CACNA1E: variants seen among roughly 807,000 people sequenced by gnomAD.
CACNA1E encodes voltage-dependent R-type calcium channel subunit alpha-1E.
A neutral mutation model predicts 259.2 loss-of-function variants in CACNA1E; 40 were observed. The ratio of observed to expected loss-of-function variants is 0.15; its 90% confidence interval spans 0.12 to 0.20. The LOEUF is 0.20. Ranked by LOEUF, CACNA1E falls within the 10% of genes least tolerant of loss-of-function variation. The pLI, the probability that CACNA1E is intolerant of heterozygous loss-of-function variation, is 1.00. For synonymous variants in CACNA1E, 1,104 were observed against 1,138.5 expected (o/e 0.97, Z 0.61); for missense variants, 1,874 against 3,040.1 (o/e 0.62, Z 9.02).
chr1:181,529,877 G>C (rs1667644686), intron 3 of CACNA1E, among the ~76,000 whole-genome samples: 1 of 152,178 alleles, frequency 6.6e-6, no homozygotes. Flanking sequence ...CCTCAGATAA[G>C]ACTTTGGACT....
intron 3 of CACNA1E, among the ~76,000 whole-genome samples, chr1:181,559,248 A>T (rs762297343): frequency 3.3e-5 from 5 of 152,028 alleles, no homozygotes; most frequent in Non-Finnish European, 7.4e-5. Flanking sequence ...TAGAAATTTC[A>T]CTCCACTGTG....
At chr1:181,613,714 A>G (rs556614299) in intron 6 of CACNA1E, among the ~76,000 whole-genome samples, 2 of 152,322 alleles carry the variant, frequency 1.3e-5, no homozygotes, top group African/African-American at 4.8e-5. Flanking sequence ...GAGTTAGCCT[A>G]TTCCTTCCAG....
At chr1:181,768,347 G>A (rs1301681067) in intron 35 of CACNA1E, among the ~76,000 whole-genome samples, 1 of 152,148 alleles carries the variant, frequency 6.6e-6, no homozygotes, top group Non-Finnish European at 1.5e-5. Flanking sequence ...AAGAGAGAGT[G>A]AGCATGTCCA....
intron 1 of CACNA1E, among the ~76,000 whole-genome samples, chr1:181,504,725 G>A (rs1483795213): frequency 1.3e-5 from 2 of 152,242 alleles, no homozygotes. Context: ...AATGGCAGGT[G>A]TGCAGGCCAC....
chr1:181,691,264 T>A (rs566680206), intron 7 of CACNA1E, among the ~76,000 whole-genome samples: 2 of 152,116 alleles, frequency 1.3e-5, no homozygotes, highest in African/African-American at 4.8e-5. Context: ...GTTTTCCTTA[T>A]GTAGATATTG....
chr1:181,449,807 A>G (rs1661030286), intron 2 of CACNA1E, among the ~76,000 whole-genome samples: 1 of 152,238 alleles, frequency 6.6e-6, no homozygotes, highest in Non-Finnish European at 1.5e-5. Context: ...TTCAAAGACA[A>G]AAAATGACCA....
At chr1:181,488,103 C>T (rs1664004613) in intron 1 of CACNA1E, among the ~76,000 whole-genome samples, 1 of 152,134 alleles carries the variant, frequency 6.6e-6, no homozygotes, top group East Asian at 1.9e-4. Context: ...TGTGAATCTC[C>T]CATTGTAAAA....
chr1:181,513,982 C>T (rs530449650), intron 3 of CACNA1E, among the ~76,000 whole-genome samples: 16 of 152,316 alleles, frequency 1.1e-4, no homozygotes, highest in Admixed American at 5.9e-4. Context: ...TCCTCCAGAC[C>T]TGCTGCTTAG....
At chr1:181,750,431 G>GTTTTA in intron 25 of CACNA1E, 45 bp from the exon 26 acceptor site, 1 of 1,600,498 alleles carries the variant, frequency 6.2e-7, no homozygotes, top group Non-Finnish European at 8.5e-7. Flanking sequence ...TTTTTGTTTT[G>GTTTTA]TTTTATTTTG....
intron 44 of CACNA1E, among the ~76,000 whole-genome samples, 170 bp from the exon 45 acceptor site, chr1:181,793,495 A>G (rs765048521): frequency 1.4e-4 from 22 of 152,228 alleles, no homozygotes; most frequent in Non-Finnish European, 2.9e-4. Context: ...CGGAACATAT[A>G]GCACATAGGT....
At chr1:181,328,773 G>T (rs1256962391) in intron 1 of CACNA1E, among the ~76,000 whole-genome samples, 2 of 152,176 alleles carry the variant, frequency 1.3e-5, no homozygotes, top group Non-Finnish European at 2.9e-5. Context: ...TGAGTTCAAG[G>T]GTCCCTGCCT....
rs148186277 is a variant in CACNA1E, at chr1:181,333,947, C to T, written c.-15+15824C>T. 4.8e-4 allele frequency among the ~76,000 whole-genome samples: 73 copies of T among 152,350 alleles called. No homozygotes were observed. The East Asian group carries it at 0.012, about 25-fold the overall frequency. On this transcript the variant is annotated intron_variant, in intron 1 of 11. Transcript: ENST00000524607. ...TGGGATTTACAGGCGTGAGCCACTACGCCCAGCCATTCCTTCTTTATTTCT... is the reference window on the plus strand; with the variant it reads ...TGGGATTTACAGGCGTGAGCCACTATGCCCAGCCATTCCTTCTTTATTTCT...
intron 1 of CACNA1E, among the ~76,000 whole-genome samples, chr1:181,318,876 G>T (rs1001707693): frequency 6.6e-6 from 1 of 152,204 alleles, no homozygotes; most frequent in African/African-American, 2.4e-5. Flanking sequence ...GCTGCATAGG[G>T]TGACTTGCTT....
intron 6 of CACNA1E, among the ~76,000 whole-genome samples, chr1:181,591,828 G>A (rs1652680890): frequency 6.6e-6 from 1 of 152,164 alleles, no homozygotes; most frequent in Non-Finnish European, 1.5e-5. Flanking sequence ...TAAGAAGTAA[G>A]GTAACATGGA....
rs1307563303 is a variant in CACNA1E, at chr1:181,799,172, C to T, written c.*338C>T. On this transcript the variant is annotated 3_prime_UTR_variant, in exon 48 of 48. Transcript: ENST00000367573. ...ACTTTTCTAAAAGCTGTGGAGGGATCTAGCTGGCCTATGTCTACACTCAGT... is the reference window on the plus strand; with the variant it reads ...ACTTTTCTAAAAGCTGTGGAGGGATTTAGCTGGCCTATGTCTACACTCAGT... The T allele has an allele frequency of 2.0e-5, 4 of 201,910 alleles. No individual in the cohort carries two copies. The highest frequency in any genetic ancestry group is 4.0e-5 in the Non-Finnish European group (4 of 100,490). 12.5% of individuals were successfully genotyped at this position (201,910 alleles called of 1,614,324 possible).
intron 7 of CACNA1E, among the ~76,000 whole-genome samples, chr1:181,660,879 C>T (rs192418234): frequency 9.3e-4 from 141 of 152,292 alleles, no homozygotes; most frequent in Non-Finnish European, 1.6e-3. Context: ...GACTGACTCA[C>T]GCAAGAGTTA....
chr1:181,606,180 C>A (rs548588991), intron 6 of CACNA1E, among the ~76,000 whole-genome samples: 1 of 152,256 alleles, frequency 6.6e-6, no homozygotes, highest in Admixed American at 6.5e-5. Context: ...GCCCAGAACT[C>A]TCTTCTGAGC....
chr1:181,439,758 A>G (rs1362512706), intron 2 of CACNA1E, among the ~76,000 whole-genome samples: 1 of 152,252 alleles, frequency 6.6e-6, no homozygotes, highest in Non-Finnish European at 1.5e-5. Flanking sequence ...ATATGGTCAC[A>G]GGTATAAAAA....
At chr1:181,447,346 C>G (rs191270475) in intron 2 of CACNA1E, among the ~76,000 whole-genome samples, 21 of 149,960 alleles carry the variant, frequency 1.4e-4, no homozygotes, top group African/African-American at 4.9e-4. Flanking sequence ...GGCAACATAG[C>G]AAGACCTCAT....
Sources: allele counts gnomAD v4.1 joint callset (sites outside exome capture counted in the v4.1 genomes callset), GRCh38; gene constraint gnomAD v4.1.1; transcripts MANE v1.5; gene names NCBI Gene and HGNC (gene_info 2026-07-23, HGNC 2026-07-21).